SLU7: variants seen among roughly 807,000 people sequenced by gnomAD.
SLU7 encodes spliceosome associated SLU7.
A neutral mutation model predicts 87.0 loss-of-function variants in SLU7; 60 were observed. The ratio of observed to expected loss-of-function variants is 0.69; its 90% CI spans 0.56 to 0.86. The LOEUF (loss-of-function observed/expected upper bound fraction) is 0.86, where lower values mean the gene tolerates loss of function less well. Ranked by LOEUF, SLU7 falls within the 40% of genes least tolerant of loss-of-function variation. The probability of loss-of-function intolerance (pLI) is 0.00; values close to 1 mark genes in which losing one functional copy is unlikely to be tolerated. For synonymous variants in SLU7, 197 were observed against 222.0 expected (o/e 0.89, Z 1.00); for missense variants, 507 against 686.6 (o/e 0.74, Z 2.92).
At chr5:160,414,277 A>G in intron 3 of SLU7, 42 bp downstream of exon 3, 1 of 1,457,402 alleles carries the variant, frequency 6.9e-7, no homozygotes. Flanking sequence ...AAGTTCTTAA[A>G]CTCTCCATAT....
In SLU7 at chr5:160,407,710, T is replaced by A; in HGVS notation, c.985+36A>T. ...AAACAATCCCAAACGTCTTATGAGC[T>A]GATATAAAATGGCTTGACATAGAGG... On this transcript the variant is annotated intron_variant, in intron 10 of 15. Transcript: ENST00000297151. The surrounding 1 kb of genome is among the most constrained non-coding windows in gnomAD (Gnocchi z 4.2). 6.2e-7 allele frequency: 1 copy of A among 1,605,074 alleles called. No individual in the cohort carries two copies. Among genetic ancestry groups the A allele is most frequent in the Non-Finnish European group, 8.5e-7 (1 of 1,174,816 alleles).
chr5:160,406,240 T>C (rs1765005349), intron 12 of SLU7: 1 of 366,180 alleles, frequency 2.7e-6, no homozygotes, highest in Non-Finnish European at 4.9e-6. Flanking sequence ...ACAAAGCATA[T>C]AAGGCAATAT....
chr5:160,409,907 A>T (rs1283093843), intron 6 of SLU7, among the ~76,000 whole-genome samples: 2 of 152,148 alleles, frequency 1.3e-5, no homozygotes, highest in East Asian at 3.8e-4. Context: ...AGTTGGGGCG[A>T]GGGGAAGTTT....
intron 6 of SLU7, among the ~76,000 whole-genome samples, chr5:160,411,373 C>A (rs1765228633): frequency 6.6e-6 from 1 of 152,096 alleles, no homozygotes; most frequent in Non-Finnish European, 1.5e-5. Flanking sequence ...TGCTCGCCAC[C>A]ACACCCAGCT....
intron 12 of SLU7, 25 bp downstream of exon 12, chr5:160,406,443 A>G (rs753684883): frequency 6.4e-7 from 1 of 1,558,344 alleles, no homozygotes; most frequent in South Asian, 1.2e-5. Context: ...ACAAGGACAC[A>G]AAATTGTTCC....
chr5:160,407,988 T>G lies in SLU7; in HGVS notation c.900A>C (p.Ala300=). ...RAMRENPYAN[A]GKNPDEVSYA... is the part of the protein sequence containing the mutation. ...ATACTTACTCATCTGGATTCTTTCCTGCATTGGCATAAGGATTCTCTCTCA... is the reference window on the plus strand; with the variant it reads ...ATACTTACTCATCTGGATTCTTTCCGGCATTGGCATAAGGATTCTCTCTCA... Residue 300 remains alanine (A), a synonymous_variant, in exon 9 of 16, where the codon GCA becomes GCC. Transcript: ENST00000297151. The surrounding 1 kb of genome is among the most constrained non-coding windows in gnomAD (Gnocchi z 4.2). 2 of 1,611,856 alleles carry G rather than the reference T, an allele frequency of 1.2e-6. No individual in the cohort carries two copies. The highest frequency in any genetic ancestry group is 8.5e-7 in the Non-Finnish European group (1 of 1,178,064).
chr5:160,416,035 G>C (rs1209993380), intron 1 of SLU7, among the ~76,000 whole-genome samples: 16 of 152,068 alleles, frequency 1.1e-4, no homozygotes, highest in Admixed American at 1.0e-3. Flanking sequence ...TCGATTACAG[G>C]TGCCCGCCAC....
At chr5:160,417,022 C>A (rs1212249414) in intron 1 of SLU7, 1 of 152,182 alleles carries the variant, frequency 6.6e-6, no homozygotes, top group Non-Finnish European at 1.5e-5. Flanking sequence ...GGCTCTCATT[C>A]TCTATTGTTG....
Position 160,407,446 on chromosome 5 carries a change from GTTC to G in SLU7, c.1125+27_1125+29del, listed in dbSNP as rs1395264551. ...AACTAGTAACTTCTCTTTAACAGAA[GTTC>G]TTCTTTAGCATTTTGGTCAAAATTA... On this transcript the variant is annotated intron_variant, in intron 11 of 15. Transcript: ENST00000297151. This position sits in a 1 kb window ranked among gnomAD's most constrained non-coding sequence, Gnocchi z 4.2. 1.9e-6 allele frequency: 3 copies of G among 1,586,746 alleles called. No homozygotes were observed. The highest frequency in any genetic ancestry group is 1.8e-5 in the Admixed American group (1 of 54,298).
Position 160,406,502 on chromosome 5 carries a change from T to A in SLU7, c.1253A>T (p.Lys418Met), listed in dbSNP as rs1765019910. The A allele has an allele frequency of 1.2e-6, 2 of 1,613,124 alleles. No individual in the cohort carries two copies. Among genetic ancestry groups the A allele is most frequent in the African/African-American group, 1.3e-5 (1 of 74,828 alleles). ...KGQERAVACS[K>M]YEEDVKIHNH... is the part of the protein sequence containing the mutation. ...GTGGATCTTCACATCCTCCTCATACTTAGAGCAGGCAACAGCCCGCTCCTG... is the reference window on the plus strand; with the variant it reads ...GTGGATCTTCACATCCTCCTCATACATAGAGCAGGCAACAGCCCGCTCCTG... The change falls in exon 12 of 16, where the codon AAG becomes ATG. Residue 418 changes from lysine (K) to methionine (M), a missense_variant. This residue lies in a region of SLU7 where 201 missense variants were observed against 213.4 expected (regional missense o/e 0.94). Coordinates refer to ENST00000297151, the MANE Select transcript of SLU7 (RefSeq NM_006425.5).
intron 4 of SLU7, 37 bp downstream of exon 4, chr5:160,413,862 T>C (rs980723846): frequency 7.1e-7 from 1 of 1,406,576 alleles, no homozygotes; most frequent in Non-Finnish European, 9.8e-7. Flanking sequence ...AGAAAGACTC[T>C]GACAACGGTT....
intron 13 of SLU7, 47 bp from the exon 14 acceptor site, chr5:160,404,927 C>A: frequency 6.6e-7 from 1 of 1,511,902 alleles, no homozygotes; most frequent in African/African-American, 1.4e-5. Flanking sequence ...AGTTACTAAT[C>A]ATCTAAGAAC....
chr5:160,408,579 G>T, intron 7 of SLU7, 71 bp downstream of exon 7: 1 of 1,381,784 alleles, frequency 7.2e-7, no homozygotes, highest in Non-Finnish European at 1.0e-6. Flanking sequence ...GCTATTATTA[G>T]TGTTATTTAT....
chr5:160,408,448 T>G lies in SLU7; in HGVS notation c.700A>C (p.Asn234His). ...TTATCTTCATCCTCATCTTCACTATTATGATCTTTTTCCTAAAAGAGGGAG... is the reference window on the plus strand; with the variant it reads ...TTATCTTCATCCTCATCTTCACTATGATGATCTTTTTCCTAAAAGAGGGAG... ...EPNSQMEKDH[N>H]SEDEDEDKYA... is the part of the protein sequence containing the mutation. The change falls in exon 8 of 16, where the codon AAT becomes CAT. Residue 234 changes from asparagine (N) to histidine (H), a missense_variant. Physicochemically the swap from Asn to His is moderately conservative, Grantham distance 68. Transcript: ENST00000297151. The G allele has an allele frequency of 1.3e-6, 2 of 1,596,692 alleles. No homozygotes were observed. The highest frequency in any genetic ancestry group is 1.7e-6 in the Non-Finnish European group (2 of 1,171,162).
chr5:160,407,748 T>C lies in SLU7; in HGVS notation c.983A>G (p.Gln328Arg). ...CTTGACATAGAGGAAACACTTACAC[T>C]GTGTCTGAGCCATTGAAATGGTATC... ...TGDTISMAQT[Q>R]LFAWEAYDKG... Residue 328 changes from glutamine (Q) to arginine (R), a missense_variant and splice_region_variant, in exon 10 of 16, where the codon CAG (glutamine) becomes CGG (arginine). By Grantham distance (43) the Gln-to-Arg change is conservative. Coordinates refer to ENST00000297151, the MANE Select transcript of SLU7 (RefSeq NM_006425.5). The surrounding 1 kb of genome is among the most constrained non-coding windows in gnomAD (Gnocchi z 4.2). 6.2e-7 allele frequency: 1 copy of C among 1,612,162 alleles called. No homozygotes were observed.
At chr5:160,418,862 G>C (rs1765580974) in intron 1 of SLU7, 161 bp downstream of exon 1, 1 of 152,354 alleles carries the variant, frequency 6.6e-6, no homozygotes, top group Non-Finnish European at 1.5e-5. Flanking sequence ...GCCATGAATG[G>C]GTCTCAGGAC....
chr5:160,416,734 A>G (rs1192602012), intron 1 of SLU7, among the ~76,000 whole-genome samples: 1 of 152,110 alleles, frequency 6.6e-6, no homozygotes, highest in East Asian at 1.9e-4. Flanking sequence ...ACTTTTTCCT[A>G]CTTACTGGAC....
chr5:160,404,577 G>T, intron 14 of SLU7, 21 bp from the exon 15 acceptor site: 1 of 1,461,372 alleles, frequency 6.8e-7, no homozygotes. Flanking sequence ...GGATTGAAAT[G>T]CAGTGTTATT....
rs752492764 is a variant in SLU7, at chr5:160,414,485, T to TA, written c.171-14dup. The stretch of plus-strand genomic sequence containing the variant: ...GGGGTTGATGTCTCTGTAATTAAAG[T>TA]AAAAAAAAAAAAAATTTAAGGATAA... On this transcript the variant is annotated splice_polypyrimidine_tract_variant and intron_variant, in intron 2 of 15. Coordinates refer to ENST00000297151, the MANE Select transcript of SLU7 (RefSeq NM_006425.5). 59,405 of 1,113,182 alleles carry TA rather than the reference T, an allele frequency of 0.053. 59 individuals are homozygous for TA. Among genetic ancestry groups the TA allele is most frequent in the African/African-American group, 0.069 (4,136 of 59,746 alleles). The allele number at this position is 1,113,182 out of a possible 1,614,324, so 69.0% of individuals were successfully genotyped here.
Sources: gnomAD v4.1 joint callset for allele counts (sites outside exome capture counted in the v4.1 genomes callset) on GRCh38, gnomAD v4.1.1 for gene constraint, gnomAD v4.1.1 regional missense constraint, Gnocchi (gnomAD v3.1) non-coding constraint, MANE v1.5 for transcripts, NCBI Gene and HGNC (gene_info 2026-07-23, HGNC 2026-07-21) for gene names.